The following PCDHA13 variants were observed in gnomAD, a reference collection of about 807,000 sequenced individuals.
PCDHA13 encodes protocadherin alpha-13.
In PCDHA13, 54 loss-of-function variants were observed where a neutral mutation model predicts 64.8. That is an observed-to-expected ratio of 0.83 (90% CI 0.67 to 1.04). The LOEUF (loss-of-function observed/expected upper bound fraction) is 1.04, where lower values mean the gene tolerates loss of function less well. PCDHA13 is among the 50% of genes least tolerant of loss of function. PCDHA13 has a pLI of 0.00. For missense variants in PCDHA13, 1,248 were observed against 1,254.3 expected (o/e 0.99, Z 0.08); for synonymous variants, 587 against 564.4 (o/e 1.04, Z -0.57).
chr5:140,956,315 A>G (rs246013), intron 1 of PCDHA13, among the ~76,000 whole-genome samples: 85,586 of 151,908 alleles, frequency 0.56, 24,725 homozygotes, highest in African/African-American at 0.69. Flanking sequence ...TTATTTTGAG[A>G]TATGTTCCTT....
chr5:140,931,585 A>G (rs1170746678), intron 1 of PCDHA13, among the ~76,000 whole-genome samples: 2 of 152,056 alleles, frequency 1.3e-5, no homozygotes, highest in Non-Finnish European at 2.9e-5. Context: ...ATTCAGTTGA[A>G]CAGTCTTTTT....
intron 3 of PCDHA13, among the ~76,000 whole-genome samples, chr5:140,992,716 G>A (rs1554253146): frequency 6.6e-6 from 1 of 152,160 alleles, no homozygotes; most frequent in African/African-American, 2.4e-5. Flanking sequence ...GCCAGTATTC[G>A]TAAATCCCAC....
At chr5:141,008,367 G>A (rs2098373101) in intron 3 of PCDHA13, among the ~76,000 whole-genome samples, 1 of 152,144 alleles carries the variant, frequency 6.6e-6, no homozygotes, top group African/African-American at 2.4e-5. Flanking sequence ...AAGGAGCAGT[G>A]TTAGATACAT....
At chr5:140,968,507 T>A in intron 1 of PCDHA13, 1 of 1,614,178 alleles carries the variant, frequency 6.2e-7, no homozygotes, top group South Asian at 1.1e-5. Context: ...TCACATTCTG[T>A]ACCCTACCTC....
At position 140,883,945 on chromosome 5, in the gene PCDHA13, C is replaced by T; in HGVS notation, c.1677C>T (p.Asn559=). Reference sequence around the variant, plus strand: ...TGCAGGTGTTCGTGCTGGACGAGAACGACAACGCTCCGGCGCTGCTGACGC... The same window carrying T: ...TGCAGGTGTTCGTGCTGGACGAGAATGACAACGCTCCGGCGCTGCTGACGC... The part of the protein sequence containing the change: ...VTLQVFVLDE[N]DNAPALLTPG... The change falls in exon 1 of 4, where the codon AAC becomes AAT. Residue 559 remains asparagine, a synonymous_variant. Coordinates refer to ENST00000289272, the MANE Select transcript of PCDHA13 (RefSeq NM_018904.3). 6.2e-7 allele frequency: 1 copy of T among 1,613,378 alleles called. No homozygotes were observed. Among genetic ancestry groups the T allele is most frequent in the Non-Finnish European group, 8.5e-7 (1 of 1,179,844 alleles).
In PCDHA13 at chr5:140,883,297, A is replaced by G. The variant is rs782572580; in HGVS notation, c.1029A>G (p.Val343=). 2 of 1,614,132 alleles carry G rather than the reference A, an allele frequency of 1.2e-6. No individual in the cohort carries two copies. Among genetic ancestry groups the G allele is most frequent in the Non-Finnish European group, 1.7e-6 (2 of 1,180,018 alleles). ...CCCTTTTGGTGGAAGTACTAGATGT[A>G]AATGATAACGCCCCAGAGGTTACCA... ...HCTLLVEVLD[V]NDNAPEVTIT... Residue 343 remains valine, a synonymous_variant, in exon 1 of 4, where the codon GTA becomes GTG. Transcript: ENST00000289272.
At chr5:140,954,119 C>A (rs547590061) in intron 1 of PCDHA13, among the ~76,000 whole-genome samples, 1 of 152,274 alleles carries the variant, frequency 6.6e-6, no homozygotes, top group African/African-American at 2.4e-5. Flanking sequence ...AGATCTTGTT[C>A]CTTTTTATGG....
At chr5:140,941,624 T>A (rs2093131699) in intron 1 of PCDHA13, among the ~76,000 whole-genome samples, 1 of 151,964 alleles carries the variant, frequency 6.6e-6, no homozygotes, top group Non-Finnish European at 1.5e-5. Flanking sequence ...CCATCCTGCT[T>A]CTTAATTTCT....
chr5:140,973,406 T>C (rs1205127002), intron 1 of PCDHA13, among the ~76,000 whole-genome samples: 1 of 152,240 alleles, frequency 6.6e-6, no homozygotes, highest in Non-Finnish European at 1.5e-5. Flanking sequence ...ATCTATGAGC[T>C]TCCACTCCAG....
At chr5:140,946,202 A>T (rs2093901656) in intron 1 of PCDHA13, among the ~76,000 whole-genome samples, 1 of 152,118 alleles carries the variant, frequency 6.6e-6, no homozygotes, top group Non-Finnish European at 1.5e-5. Context: ...AAAAGAAAGC[A>T]CACAAATGAC....
intron 1 of PCDHA13, among the ~76,000 whole-genome samples, chr5:140,911,657 ACTC>A (rs782570659): frequency 1.1e-4 from 16 of 151,986 alleles, no homozygotes; most frequent in Non-Finnish European, 1.6e-4. Flanking sequence ...GAGTTACTAA[ACTC>A]CTTGCCTCTC....
chr5:140,925,640 G>GAA (rs1554202829), intron 1 of PCDHA13, among the ~76,000 whole-genome samples: 1 of 75,086 alleles, frequency 1.3e-5, no homozygotes, highest in Non-Finnish European at 2.8e-5. Context: ...AGAACTTAAA[G>GAA]TATAATAATA....
chr5:140,920,485 A>G (rs1366888817), intron 1 of PCDHA13, among the ~76,000 whole-genome samples: 3 of 152,164 alleles, frequency 2.0e-5, no homozygotes, highest in Admixed American at 6.5e-5. Context: ...TTTTTGGTCC[A>G]ACAATAGAGT....
chr5:140,984,516 TCA>T (rs1422083367), intron 3 of PCDHA13, among the ~76,000 whole-genome samples: 2 of 152,130 alleles, frequency 1.3e-5, no homozygotes, highest in Non-Finnish European at 2.9e-5. Context: ...GATGCATGAG[TCA>T]CAGTCTTCAT....
At chr5:140,909,353 T>C (rs2074452823) in intron 1 of PCDHA13, among the ~76,000 whole-genome samples, 1 of 152,156 alleles carries the variant, frequency 6.6e-6, no homozygotes, top group Non-Finnish European at 1.5e-5. Flanking sequence ...CCAAGAGATG[T>C]GTTAATTTGT....
In PCDHA13 at chr5:141,010,329, G is replaced by C; in HGVS notation, c.*392G>C. On this transcript the variant is annotated 3_prime_UTR_variant, in exon 4 of 4. Coordinates refer to ENST00000289272, the MANE Select transcript of PCDHA13 (RefSeq NM_018904.3). ...AGTTTTGAGATTGAGCAGCTTGGGAGTTTGTGGCCACTGGGTATGTGTGGC... is the reference window on the plus strand; with the variant it reads ...AGTTTTGAGATTGAGCAGCTTGGGACTTTGTGGCCACTGGGTATGTGTGGC... 6.5e-7 allele frequency: 1 copy of C among 1,538,672 alleles called. No individual in the cohort carries two copies. Among genetic ancestry groups the C allele is most frequent in the Non-Finnish European group, 8.8e-7 (1 of 1,142,532 alleles).
chr5:140,895,861 G>C (rs1248344470), intron 1 of PCDHA13, among the ~76,000 whole-genome samples: 2 of 152,184 alleles, frequency 1.3e-5, no homozygotes, highest in African/African-American at 4.8e-5. Context: ...CCCCAGGCTG[G>C]AGTGCAATGG....
At chr5:140,967,321 C>T (rs985147302) in intron 1 of PCDHA13, 12 of 1,609,430 alleles carry the variant, frequency 7.5e-6, no homozygotes, top group Non-Finnish European at 1.0e-5. Context: ...TACAGACCTA[C>T]GAGCTCAGCC....
At position 140,953,007 on chromosome 5, in the gene PCDHA13, T is replaced by C. The variant is rs186896706; in HGVS notation, c.2395-25942T>C. ...TCTCATGAGAACTCTCTCACTATTA[T>C]GAGAACAACATTAAGGGGGAAATCC... On this transcript the variant is annotated intron_variant, in intron 1 of 3. Transcript: ENST00000289272. 5.5e-4 allele frequency among the ~76,000 whole-genome samples: 84 copies of C among 152,242 alleles called. 1 individual carries two copies. In the East Asian group the frequency reaches 0.015, roughly 27 times the overall value.
Sources: gnomAD v4.1 joint callset for allele counts (sites outside exome capture counted in the v4.1 genomes callset) on GRCh38, gnomAD v4.1.1 for gene constraint, MANE v1.5 for transcripts, NCBI Gene and HGNC (gene_info 2026-07-23, HGNC 2026-07-21) for gene names.